GLIS3: variants seen among roughly 807,000 people sequenced by gnomAD.
GLIS3 encodes GLIS family zinc finger 3.
In GLIS3, 53 loss-of-function variants were observed where a neutral mutation model predicts 78.6. That is an observed-to-expected ratio of 0.67 (90% CI 0.54 to 0.85). The LOEUF (loss-of-function observed/expected upper bound fraction) is 0.85. GLIS3 is among the 40% of genes least tolerant of loss of function. The pLI is 0.00. For synonymous variants in GLIS3, 684 were observed against 509.9 expected, an observed-to-expected ratio of 1.34 and a Z score of -4.60; for missense variants, 1,703 against 1,231.1, an observed-to-expected ratio of 1.38 and a Z score of -5.74.
In GLIS3 at chr9:4,102,803, G is replaced by A. The variant is rs1054185310; in HGVS notation, c.1710+14965C>T. Reference sequence around the variant, plus strand: ...GGATATGCTTTTTTTCGTAGTCAGTGGATGGAAAACACACACAAACAAATA... The same window carrying A: ...GGATATGCTTTTTTTCGTAGTCAGTAGATGGAAAACACACACAAACAAATA... On this transcript the variant is annotated intron_variant, in intron 4 of 10. Transcript: ENST00000381971. Among the ~76,000 whole-genome samples the A allele has an allele frequency of 7.2e-5, 11 of 151,918 alleles. No individual in the cohort carries two copies. The East Asian group carries it at 2.1e-3, about 29-fold the overall frequency.
At chr9:4,271,082 GA>G (rs1448576905) in intron 2 of GLIS3, among the ~76,000 whole-genome samples, 1 of 152,054 alleles carries the variant, frequency 6.6e-6, no homozygotes, top group African/African-American at 2.4e-5. Flanking sequence ...AAGACAATGA[GA>G]ATGAAGAATT....
chr9:4,317,358 A>G (rs1817451451), intron 2 of GLIS3, among the ~76,000 whole-genome samples: 1 of 152,148 alleles, frequency 6.6e-6, no homozygotes, highest in African/African-American at 2.4e-5. Context: ...TACCCTAAAG[A>G]TTCCGATTTA....
chr9:4,479,882 G>C, the GLIS3 span, among the ~76,000 whole-genome samples: 3 of 147,050 alleles, frequency 2.0e-5, no homozygotes, highest in African/African-American at 7.5e-5. Context: ...TCATTCTCTT[G>C]ACCACACAAT....
chr9:4,383,732 T>G, the GLIS3 span, among the ~76,000 whole-genome samples: 3 of 152,184 alleles, frequency 2.0e-5, no homozygotes, highest in African/African-American at 7.2e-5. Context: ...TCATCTCCAT[T>G]TGAACATTTA....
chr9:4,016,452 T>C (rs1822445326), intron 4 of GLIS3, among the ~76,000 whole-genome samples: 1 of 152,196 alleles, frequency 6.6e-6, no homozygotes, highest in South Asian at 2.1e-4. Flanking sequence ...AATTATACAT[T>C]TCTAAACAGA....
the GLIS3 span, among the ~76,000 whole-genome samples, chr9:4,426,260 G>A: frequency 6.6e-6 from 1 of 152,146 alleles, no homozygotes; most frequent in Non-Finnish European, 1.5e-5. Flanking sequence ...AGCTTCAGTT[G>A]TTCATAGGAT....
At chr9:4,192,273 GT>G (rs1818398786) in intron 2 of GLIS3, among the ~76,000 whole-genome samples, 1 of 152,164 alleles carries the variant, frequency 6.6e-6, no homozygotes, top group Non-Finnish European at 1.5e-5. Flanking sequence ...GTCTTTTAGA[GT>G]TTCTTGAGAT....
chr9:4,135,687 T>C (rs1473073366), intron 2 of GLIS3, among the ~76,000 whole-genome samples: 1 of 152,186 alleles, frequency 6.6e-6, no homozygotes, highest in Admixed American at 6.5e-5. Flanking sequence ...ATCCAAGCCT[T>C]TCCTCTTTTC....
At chr9:4,366,051 T>A in the GLIS3 span, among the ~76,000 whole-genome samples, 2 of 152,234 alleles carry the variant, frequency 1.3e-5, no homozygotes, top group South Asian at 4.2e-4. Flanking sequence ...GCTTCGGTGG[T>A]GAACTTCGGA....
At chr9:3,960,592 G>A (rs780955433) in intron 4 of GLIS3, among the ~76,000 whole-genome samples, 1 of 152,186 alleles carries the variant, frequency 6.6e-6, no homozygotes, top group Non-Finnish European at 1.5e-5. Context: ...TGGGTCCACA[G>A]TATGTTGAAT....
At chr9:4,030,763 A>AGGTC (rs1823770174) in intron 4 of GLIS3, among the ~76,000 whole-genome samples, 1 of 152,178 alleles carries the variant, frequency 6.6e-6, no homozygotes, top group South Asian at 2.1e-4. Flanking sequence ...ACTCGCTGAG[A>AGGTC]GGTCAACAAA....
At chr9:4,326,697 T>C (rs1817605166) in intron 2 of GLIS3, among the ~76,000 whole-genome samples, 1 of 152,214 alleles carries the variant, frequency 6.6e-6, no homozygotes, top group South Asian at 2.1e-4. Flanking sequence ...GTAAATTTTA[T>C]GTTTTATATA....
chr9:3,833,916 T>G (rs970671369), intron 9 of GLIS3, among the ~76,000 whole-genome samples: 1 of 152,090 alleles, frequency 6.6e-6, no homozygotes, highest in African/African-American at 2.4e-5. Flanking sequence ...TTTTTCCCCC[T>G]CCTAAAAACA....
intron 4 of GLIS3, among the ~76,000 whole-genome samples, chr9:4,040,378 G>A (rs1824705225): frequency 6.6e-6 from 1 of 151,134 alleles, no homozygotes; most frequent in African/African-American, 2.4e-5. Context: ...TTCATTGTTT[G>A]AAAATGGCTG....
At chr9:3,946,508 G>A (rs923008567) in intron 4 of GLIS3, among the ~76,000 whole-genome samples, 2 of 152,174 alleles carry the variant, frequency 1.3e-5, no homozygotes, top group East Asian at 1.9e-4. Context: ...ACAGGTTTTA[G>A]ATGCTGAATT....
chr9:4,075,277 A>C (rs1018783021), intron 4 of GLIS3, among the ~76,000 whole-genome samples: 6 of 152,120 alleles, frequency 3.9e-5, no homozygotes, highest in Non-Finnish European at 8.8e-5. Flanking sequence ...AAAAATAAAA[A>C]AGATATTCAG....
chr9:4,238,604 T>C (rs1453817437), intron 2 of GLIS3, among the ~76,000 whole-genome samples: 1 of 152,210 alleles, frequency 6.6e-6, no homozygotes, highest in Non-Finnish European at 1.5e-5. Flanking sequence ...GGAAGTAGAA[T>C]AAGTTTTGCC....
At chr9:4,183,782 T>C (rs944558640) in intron 2 of GLIS3, among the ~76,000 whole-genome samples, 3 of 152,250 alleles carry the variant, frequency 2.0e-5, no homozygotes, top group Non-Finnish European at 2.9e-5. Context: ...TCTTACTGCC[T>C]GGTCATGATT....
intron 2 of GLIS3, among the ~76,000 whole-genome samples, chr9:4,136,189 T>G (rs1586773164): frequency 6.6e-6 from 1 of 152,238 alleles, no homozygotes; most frequent in African/African-American, 2.4e-5. Context: ...TCACAACCTC[T>G]GAAGAGATAA....
Sources: allele counts gnomAD v4.1 joint callset (sites outside exome capture counted in the v4.1 genomes callset), GRCh38; gene constraint gnomAD v4.1.1; transcripts MANE v1.5; gene names NCBI Gene and HGNC (gene_info 2026-07-23, HGNC 2026-07-21).